The following SCN11A variants were observed in gnomAD, a reference collection of about 807,000 sequenced individuals.
SCN11A encodes sodium channel protein type 11 subunit alpha.
A neutral mutation model predicts 162.2 loss-of-function variants in SCN11A; 122 were observed. That is an observed-to-expected ratio of 0.75 (90% CI 0.65 to 0.87). The LOEUF is 0.87. SCN11A is among the 40% of genes least tolerant of loss of function. The probability of loss-of-function intolerance (pLI) is 0.00; values close to 1 mark genes in which losing one functional copy is unlikely to be tolerated. For synonymous variants in SCN11A, 758 were observed against 751.5 expected (o/e 1.01, Z -0.14); for missense variants, 2,015 against 2,181.6 (o/e 0.92, Z 1.52).
At chr3:39,034,454 T>C (rs1438140837) in intron 1 of SCN11A, among the ~76,000 whole-genome samples, 1 of 152,036 alleles carries the variant, frequency 6.6e-6, no homozygotes, top group African/African-American at 2.4e-5. Context: ...AAGGAACATA[T>C]CTCAACACAG....
chr3:38,992,471 CA>C (rs2030482826), intron 2 of SCN11A, among the ~76,000 whole-genome samples: 1 of 152,216 alleles, frequency 6.6e-6, no homozygotes, highest in African/African-American at 2.4e-5. Flanking sequence ...TCTTTACAAA[CA>C]AACTGCATCC....
At chr3:38,853,660 G>C (rs2064820325) in intron 28 of SCN11A, among the ~76,000 whole-genome samples, 1 of 152,136 alleles carries the variant, frequency 6.6e-6, no homozygotes, top group South Asian at 2.1e-4. Flanking sequence ...TGGGTGCCGA[G>C]AATAGCAGTA....
chr3:38,925,612 C>A (rs4676474), intron 8 of SCN11A, 103 bp from the exon 9 acceptor site: 2 of 734,572 alleles, frequency 2.7e-6, no homozygotes, highest in African/African-American at 3.5e-5. Context: ...GGCCTGTGAC[C>A]TCCAAGGTGA....
At position 38,867,463 on chromosome 3, in the gene SCN11A, T is replaced by C. The variant is rs2065059717; in HGVS notation, c.3814-5A>G. On this transcript the variant is annotated splice_polypyrimidine_tract_variant and splice_region_variant and intron_variant, in intron 26 of 29. Transcript: ENST00000302328. ...AAACTCTGGCTGTTGTTCTTTCTGTTAGAAATTTTTTTAATAAGAGAAAAA... is the reference window on the plus strand; with the variant it reads ...AAACTCTGGCTGTTGTTCTTTCTGTCAGAAATTTTTTTAATAAGAGAAAAA... The C allele has an allele frequency of 1.3e-6, 2 of 1,588,834 alleles. No individual in the cohort carries two copies. The highest frequency in any genetic ancestry group is 1.7e-6 in the Non-Finnish European group (2 of 1,171,586).
intron 2 of SCN11A, among the ~76,000 whole-genome samples, chr3:39,029,196 C>T (rs2031682504): frequency 6.6e-6 from 1 of 152,020 alleles, no homozygotes; most frequent in South Asian, 2.1e-4. Context: ...ATTTACCCTC[C>T]CAATCTAAGT....
chr3:38,860,611 A>G lies in SCN11A; in HGVS notation c.4056+2584T>C, dbSNP rs558692795. 2.6e-5 allele frequency among the ~76,000 whole-genome samples: 4 copies of G among 152,372 alleles called. No homozygotes were observed. In the South Asian group the frequency reaches 8.3e-4, roughly 32 times the overall value. ...ATACGCAAGTCAATAAATGTGATAC[A>G]TCACATAAACAGAATTAAAAACAAA... On this transcript the variant is annotated intron_variant, in intron 28 of 29. Coordinates refer to ENST00000302328, the MANE Select transcript of SCN11A (RefSeq NM_001349253.2).
At chr3:38,931,222 C>G (rs2125558843) in intron 7 of SCN11A, among the ~76,000 whole-genome samples, 1 of 152,342 alleles carries the variant, frequency 6.6e-6, no homozygotes, top group African/African-American at 2.4e-5. Context: ...CTGTGCCCTC[C>G]TCAAGGCACA....
intron 2 of SCN11A, among the ~76,000 whole-genome samples, chr3:39,002,302 T>C (rs750751251): frequency 6.6e-6 from 1 of 152,238 alleles, no homozygotes; most frequent in Non-Finnish European, 1.5e-5. Flanking sequence ...ATTTTGTCTA[T>C]AATATGACCC....
At chr3:39,032,973 G>A (rs535351448) in intron 1 of SCN11A, among the ~76,000 whole-genome samples, 14 of 152,192 alleles carry the variant, frequency 9.2e-5, no homozygotes, top group Admixed American at 3.9e-4. Context: ...CCAACATGGC[G>A]AAACCCTGAC....
intron 2 of SCN11A, among the ~76,000 whole-genome samples, chr3:38,999,863 G>C (rs559864698): frequency 6.6e-6 from 1 of 152,070 alleles, no homozygotes; most frequent in Non-Finnish European, 1.5e-5. Flanking sequence ...CTGAAAATGA[G>C]GTTCCCCTGC....
chr3:38,860,528 A>G (rs547152625), intron 28 of SCN11A, among the ~76,000 whole-genome samples: 1 of 152,288 alleles, frequency 6.6e-6, no homozygotes, highest in South Asian at 2.1e-4. Flanking sequence ...AGCATATCAA[A>G]AAGAAAATCC....
At chr3:38,955,047 G>A (rs1287993321) in intron 3 of SCN11A, among the ~76,000 whole-genome samples, 1 of 152,148 alleles carries the variant, frequency 6.6e-6, no homozygotes, top group African/African-American at 2.4e-5. Flanking sequence ...TACACCCACT[G>A]GGAGGCCAAG....
At chr3:38,905,077 T>C in intron 15 of SCN11A, 115 bp downstream of exon 15, 2 of 1,323,534 alleles carry the variant, frequency 1.5e-6, no homozygotes, top group Non-Finnish European at 2.2e-6. Context: ...GATGGTACAG[T>C]GGGTTGGTTC....
At position 38,896,847 on chromosome 3, in the gene SCN11A, C is replaced by A; in HGVS notation, c.2401G>T (p.Val801Leu). The change falls in exon 18 of 30, where the codon GTG becomes TTG. Residue 801 changes from valine to leucine, a missense_variant and splice_region_variant. Coordinates refer to ENST00000302328, the MANE Select transcript of SCN11A (RefSeq NM_001349253.2). ...FILITVIGKL[V>L]VLNLFIALLL... Reference sequence around the variant, plus strand: ...TGAAAAAAATCTAAGACACATACCACAAGTTTTCCTATCACCGTGATCAAT... The same window carrying A: ...TGAAAAAAATCTAAGACACATACCAAAAGTTTTCCTATCACCGTGATCAAT... 3 of 1,499,158 alleles carry A rather than the reference C, an allele frequency of 2.0e-6. No individual in the cohort carries two copies. Among genetic ancestry groups the A allele is most frequent in the South Asian group, 1.4e-5 (1 of 71,570 alleles). The allele number at this position is 1,499,158 out of a possible 1,614,324, so 92.9% of individuals were successfully genotyped here. A position where few individuals can be genotyped will look rare whatever the true frequency, so the allele number is the denominator to read the frequency against.
intron 28 of SCN11A, among the ~76,000 whole-genome samples, chr3:38,862,865 C>A (rs1287820867): frequency 2.6e-5 from 4 of 152,054 alleles, no homozygotes; most frequent in Non-Finnish European, 5.9e-5. Context: ...GAACCAAAAA[C>A]CACCTGTTCC....
chr3:38,858,887 A>G (rs1043040553), intron 28 of SCN11A, among the ~76,000 whole-genome samples: 1 of 152,172 alleles, frequency 6.6e-6, no homozygotes, highest in Admixed American at 6.5e-5. Context: ...AACTATACAA[A>G]TACATGGAAA....
At chr3:39,014,282 G>C (rs2031227161) in intron 2 of SCN11A, among the ~76,000 whole-genome samples, 1 of 152,134 alleles carries the variant, frequency 6.6e-6, no homozygotes, top group Non-Finnish European at 1.5e-5. Flanking sequence ...CAATTCAATG[G>C]AACTATTGTG....
Position 38,885,284 on chromosome 3 carries a change from T to TTACC in SCN11A, c.3064_3064+3dup. 1.9e-6 allele frequency: 3 copies of TTACC among 1,560,306 alleles called. No individual in the cohort carries two copies. Among genetic ancestry groups the TTACC allele is most frequent in the Non-Finnish European group, 2.7e-6 (3 of 1,130,960 alleles). On this transcript the variant is annotated splice_donor_region_variant and intron_variant, in intron 21 of 29. Transcript: ENST00000302328. ...GAACTGGATGCAGAAATACTGCCAC[T>TTACC]TACCTTTGGGCAAACATCTCTCTGG...
At chr3:38,943,390 G>A (rs772509255) in intron 7 of SCN11A, among the ~76,000 whole-genome samples, 5 of 152,100 alleles carry the variant, frequency 3.3e-5, no homozygotes, top group African/African-American at 2.4e-5. Context: ...TCTATATATC[G>A]ATTGCAGTGG....
Sources: allele counts gnomAD v4.1 joint callset (sites outside exome capture counted in the v4.1 genomes callset), GRCh38; gene constraint gnomAD v4.1.1; transcripts MANE v1.5; gene names NCBI Gene and HGNC (gene_info 2026-07-23, HGNC 2026-07-21).